DPY19L1: variants seen among roughly 807,000 people sequenced by gnomAD.
DPY19L1 encodes the protein dpy-19 like C-mannosyltransferase 1, also known as protein C-mannosyl-transferase DPY19L1.
A neutral mutation model predicts 96.9 loss-of-function variants in DPY19L1; 35 were observed. The ratio of observed to expected loss-of-function variants is 0.36; its 90% CI spans 0.28 to 0.48. DPY19L1 has a LOEUF of 0.48. Among genes scored for constraint, DPY19L1 ranks in the 20% least tolerant of loss-of-function variants. DPY19L1 has a pLI of 0.99. For synonymous variants in DPY19L1, 205 were observed against 252.6 expected (o/e 0.81, Z 1.79); for missense variants, 521 against 777.9 (o/e 0.67, Z 3.93).
At chr7:34,948,856 G>C (rs1007531964) in intron 14 of DPY19L1, among the ~76,000 whole-genome samples, 1 of 152,210 alleles carries the variant, frequency 6.6e-6, no homozygotes, top group Non-Finnish European at 1.5e-5. Flanking sequence ...AAGACTGACA[G>C]GCCACTGGAG....
At chr7:34,952,681 T>C (rs1784292153) in intron 13 of DPY19L1, among the ~76,000 whole-genome samples, 2 of 152,026 alleles carry the variant, frequency 1.3e-5, no homozygotes, top group South Asian at 4.1e-4. Context: ...AATACTACAT[T>C]TGAGCAGGTG....
intron 6 of DPY19L1, among the ~76,000 whole-genome samples, chr7:34,991,448 T>G (rs535762795): frequency 2.0e-5 from 3 of 152,246 alleles, no homozygotes; most frequent in African/African-American, 7.2e-5. Flanking sequence ...CAGAGGAGCT[T>G]AGAAAGCAGT....
At chr7:35,036,789 G>C (rs542618902) in intron 1 of DPY19L1, among the ~76,000 whole-genome samples, 17 of 152,108 alleles carry the variant, frequency 1.1e-4, no homozygotes, top group South Asian at 2.1e-4. Context: ...CTCAAGTCTC[G>C]TTAGCGCAGA....
chr7:35,037,773 C>T (rs1384273637), upstream of DPY19L1: 7 of 1,161,590 alleles, frequency 6.0e-6, no homozygotes, highest in Non-Finnish European at 7.4e-6. Context: ...CGCGGACTTC[C>T]GGCGCAGGCG....
intron 7 of DPY19L1, among the ~76,000 whole-genome samples, chr7:34,983,269 G>GA (rs1784978756): frequency 2.0e-5 from 3 of 152,064 alleles, no homozygotes; most frequent in Non-Finnish European, 2.9e-5. Flanking sequence ...ATGCAAAGTA[G>GA]CAGGAAAATA....
chr7:35,018,984 C>A (rs1331944917), intron 1 of DPY19L1, among the ~76,000 whole-genome samples: 2 of 152,138 alleles, frequency 1.3e-5, no homozygotes, highest in African/African-American at 4.8e-5. Flanking sequence ...GGAACTACCA[C>A]TTCTGATATA....
chr7:34,933,228 T>C (rs1332169217), intron 21 of DPY19L1, among the ~76,000 whole-genome samples: 6 of 152,232 alleles, frequency 3.9e-5, no homozygotes, highest in Non-Finnish European at 7.3e-5. Context: ...TACTGAGATT[T>C]TGGTGCACCC....
intron 1 of DPY19L1, among the ~76,000 whole-genome samples, chr7:35,020,842 G>C (rs988476973): frequency 6.6e-6 from 1 of 152,090 alleles, no homozygotes; most frequent in Non-Finnish European, 1.5e-5. Flanking sequence ...CCGAGTAGCT[G>C]GGATTACAGG....
chr7:34,961,510 G>A (rs1007828562), intron 10 of DPY19L1, among the ~76,000 whole-genome samples: 3 of 152,086 alleles, frequency 2.0e-5, no homozygotes, highest in Non-Finnish European at 4.4e-5. Flanking sequence ...ACAGACAACA[G>A]ATCTAAATGC....
At chr7:34,959,136 A>G (rs1049869732) in intron 10 of DPY19L1, among the ~76,000 whole-genome samples, 2 of 152,262 alleles carry the variant, frequency 1.3e-5, no homozygotes, top group African/African-American at 4.8e-5. Context: ...ATTGGTCATC[A>G]GAGAAATGCA....
chr7:35,027,647 A>G (rs1786156901), intron 1 of DPY19L1, among the ~76,000 whole-genome samples: 1 of 136,658 alleles, frequency 7.3e-6, no homozygotes, highest in Admixed American at 8.1e-5. Context: ...CCCGGCCAAC[A>G]TGGCAAAACC....
chr7:34,966,458 A>AGG (rs1483216609), intron 10 of DPY19L1, among the ~76,000 whole-genome samples: 13 of 151,906 alleles, frequency 8.6e-5, no homozygotes, highest in African/African-American at 3.1e-4. Context: ...TCACCATGCT[A>AGG]AAATTTTTTA....
At chr7:35,017,146 C>T (rs1258551969) in intron 3 of DPY19L1, among the ~76,000 whole-genome samples, 2 of 151,940 alleles carry the variant, frequency 1.3e-5, no homozygotes, top group Non-Finnish European at 2.9e-5. Flanking sequence ...TCTTTAGAGA[C>T]ACTTATGAAA....
chr7:34,959,917 ATATATATT>A (rs1486107348), intron 10 of DPY19L1, among the ~76,000 whole-genome samples: 136 of 17,550 alleles, frequency 7.7e-3, no homozygotes, highest in Non-Finnish European at 6.4e-3. Context: ...ATATATATAT[ATATATATT>A]TATATATATA....
At position 34,930,892 on chromosome 7, in the gene DPY19L1, G is replaced by A. The variant is rs1182129705; in HGVS notation, c.*681C>T. The A allele has an allele frequency of 6.6e-6, 1 of 151,834 alleles. No individual in the cohort carries two copies. The highest frequency in any genetic ancestry group is 1.5e-5 in the Non-Finnish European group (1 of 67,996). The allele number at this position is 151,834 out of a possible 1,614,324, so 9.4% of individuals were successfully genotyped here. A position where few individuals can be genotyped will look rare whatever the true frequency, so the allele number is the denominator to read the frequency against. On this transcript the variant is annotated 3_prime_UTR_variant, in exon 22 of 22. Transcript: ENST00000638088. Reference sequence around the variant, plus strand: ...TATGGGGAAGAGGAGAAGAGAGAGAGCAAGAGAGAGAGAGAAAGAGACACG... The same window carrying A: ...TATGGGGAAGAGGAGAAGAGAGAGAACAAGAGAGAGAGAGAAAGAGACACG...
At position 35,034,251 on chromosome 7, in the gene DPY19L1, C is replaced by A. The variant is rs1452500672; in HGVS notation, c.298+2846G>T. 4.7e-4 allele frequency among the ~76,000 whole-genome samples: 71 copies of A among 152,160 alleles called. 1 individual carries two copies. Among genetic ancestry groups the A allele is most frequent in the Admixed American group, 4.6e-3 (71 of 15,284 alleles). On this transcript the variant is annotated intron_variant, in intron 1 of 21. Transcript: ENST00000638088. The stretch of plus-strand genomic sequence containing the variant: ...GCATGTCTAATGGGTGTATCTTTTA[C>A]TACCACAATTGTTTCCATGACGGAG...
upstream of DPY19L1, chr7:35,037,812 CCA>C: frequency 8.2e-7 from 1 of 1,225,530 alleles, no homozygotes; most frequent in Non-Finnish European, 1.0e-6. Flanking sequence ...GCCCGGCTAC[CCA>C]CACCTCTTCG....
chr7:35,021,075 A>G (rs981603189), intron 1 of DPY19L1, among the ~76,000 whole-genome samples: 1 of 152,182 alleles, frequency 6.6e-6, no homozygotes, highest in Non-Finnish European at 1.5e-5. Context: ...TAATTTTACT[A>G]TTAGTTTCTT....
At chr7:34,985,924 A>G (rs1244886247) in intron 7 of DPY19L1, among the ~76,000 whole-genome samples, 1 of 152,060 alleles carries the variant, frequency 6.6e-6, no homozygotes, top group Non-Finnish European at 1.5e-5. Context: ...CCATAAAGAG[A>G]TTAATAAGGA....
Sources: gnomAD v4.1 joint callset for allele counts (sites outside exome capture counted in the v4.1 genomes callset) on GRCh38, gnomAD v4.1.1 for gene constraint, MANE v1.5 for transcripts, NCBI Gene and HGNC (gene_info 2026-07-23, HGNC 2026-07-21) for gene names.